BTBD3: variants seen among roughly 807,000 people sequenced by gnomAD.
The protein encoded by BTBD3 is BTB/POZ domain-containing protein 3.
Under a neutral mutation model 41.6 loss-of-function variants are expected in BTBD3, and 14 were observed. That is an observed-to-expected ratio of 0.34 (90% CI 0.22 to 0.53). The LOEUF (loss-of-function observed/expected upper bound fraction) is 0.53. Among genes scored for constraint, BTBD3 ranks in the 20% least tolerant of loss-of-function variants. BTBD3 has a pLI of 0.95. For synonymous variants in BTBD3, 249 were observed against 233.7 expected, an observed-to-expected ratio of 1.07 and a Z score of -0.60; for missense variants, 426 against 654.7, an observed-to-expected ratio of 0.65 and a Z score of 3.81.
chr20:11,893,037 A>G (rs2056765785), intron 1 of BTBD3, among the ~76,000 whole-genome samples: 1 of 150,074 alleles, frequency 6.7e-6, no homozygotes, highest in Non-Finnish European at 1.5e-5. Context: ...ACATGCATCC[A>G]AAGATCAATT....
intron 1 of BTBD3, among the ~76,000 whole-genome samples, chr20:11,895,891 C>T (rs561816405): frequency 9.8e-5 from 15 of 152,326 alleles, no homozygotes; most frequent in African/African-American, 3.4e-4. Context: ...TTGGCTGAGA[C>T]AGTTGCCACT....
intron 1 of BTBD3, among the ~76,000 whole-genome samples, chr20:11,906,657 C>G (rs1310540151): frequency 6.6e-6 from 1 of 152,150 alleles, no homozygotes; most frequent in Admixed American, 6.5e-5. Flanking sequence ...TTGCCTGATT[C>G]TTCTTAGTGA....
intron 1 of BTBD3, among the ~76,000 whole-genome samples, chr20:11,901,027 T>C (rs1003194270): frequency 2.0e-5 from 3 of 152,180 alleles, no homozygotes; most frequent in African/African-American, 7.2e-5. Flanking sequence ...CATCTACAAA[T>C]TTAATGTGTT....
At chr20:11,900,391 G>A (rs965379260) in intron 1 of BTBD3, among the ~76,000 whole-genome samples, 1 of 152,104 alleles carries the variant, frequency 6.6e-6, no homozygotes, top group Non-Finnish European at 1.5e-5. Context: ...AGCCCAGTTG[G>A]AAAACACATC....
At chr20:11,893,955 T>A (rs957964539) in intron 1 of BTBD3, among the ~76,000 whole-genome samples, 1 of 152,266 alleles carries the variant, frequency 6.6e-6, no homozygotes, top group African/African-American at 2.4e-5. Flanking sequence ...ATAAGATTTT[T>A]AATGATGAAT....
intron 1 of BTBD3, chr20:11,891,193 A>G (rs1328006154): frequency 3.4e-5 from 5 of 146,206 alleles, no homozygotes; most frequent in Non-Finnish European, 7.1e-5. Flanking sequence ...GGGGGGTCCC[A>G]GTGGGGCGCG....
At position 11,924,482 on chromosome 20, in the gene BTBD3, AAAT is replaced by A. The variant is rs2057001844; in HGVS notation, c.*820_*822del. Reference sequence around the variant, plus strand: ...GAAGCCTGAAAAAGACTCATACTACAAATAATTTAATTGATGGCATATAAGAAT... The same window carrying A: ...GAAGCCTGAAAAAGACTCATACTACAAATTTAATTGATGGCATATAAGAAT... On this transcript the variant is annotated 3_prime_UTR_variant, in exon 4 of 4. Transcript: ENST00000378226. 1 of 152,630 alleles carries A rather than the reference AAAT, an allele frequency of 6.6e-6. No homozygotes were observed. The highest frequency in any genetic ancestry group is 1.5e-5 in the Non-Finnish European group (1 of 68,034). The allele number at this position is 152,630 out of a possible 1,614,324, so 9.5% of individuals were successfully genotyped here. A position where few individuals can be genotyped will look rare whatever the true frequency, so the allele number is the denominator to read the frequency against.
At chr20:11,901,152 A>C (rs2056821655) in intron 1 of BTBD3, among the ~76,000 whole-genome samples, 1 of 152,216 alleles carries the variant, frequency 6.6e-6, no homozygotes, top group Non-Finnish European at 1.5e-5. Flanking sequence ...AATGGTGAGA[A>C]GCTACAAAAG....
intron 1 of BTBD3, among the ~76,000 whole-genome samples, chr20:11,905,338 G>GT (rs1014088387): frequency 1.3e-5 from 2 of 152,100 alleles, no homozygotes; most frequent in African/African-American, 4.8e-5. Context: ...TTGTACACGT[G>GT]TTTTTTCTCA....
Position 11,923,912 on chromosome 20 carries a change from T to C in BTBD3, c.*246T>C. 1 of 432,486 alleles carries C rather than the reference T, an allele frequency of 2.3e-6. No homozygotes were observed. Among genetic ancestry groups the C allele is most frequent in the Non-Finnish European group, 4.1e-6 (1 of 245,184 alleles). 26.8% of individuals were successfully genotyped at this position (432,486 alleles called of 1,614,324 possible). A position where few individuals can be genotyped will look rare whatever the true frequency, so the allele number is the denominator to read the frequency against. ...GCTTTGTGGTTTTTAGAGTTGCATC[T>C]ATGAACCTGGGGAGATTATGTGCTT... On this transcript the variant is annotated 3_prime_UTR_variant, in exon 4 of 4. Coordinates refer to ENST00000378226, the MANE Select transcript of BTBD3 (RefSeq NM_014962.4). The surrounding 1 kb of genome is among the most constrained non-coding windows in gnomAD (Gnocchi z 5.3).
Position 11,918,359 on chromosome 20 carries a change from A to G in BTBD3, c.84A>G (p.Lys28=). 6.2e-7 allele frequency: 1 copy of G among 1,614,112 alleles called. No homozygotes were observed. The highest frequency in any genetic ancestry group is 8.5e-7 in the Non-Finnish European group (1 of 1,180,008). Residue 28 remains lysine (K), a synonymous_variant, in exon 1 of 4, where the codon AAA becomes AAG. Transcript: ENST00000378226. Reference sequence around the variant, plus strand: ...AGACGGTAAAGAACAGGTCCAAGAAAAGCTCAAAGAAAGCAAATACCAGCA... The same window carrying G: ...AGACGGTAAAGAACAGGTCCAAGAAGAGCTCAAAGAAAGCAAATACCAGCA... ...LPETVKNRSK[K]SSKKANTSSS... is the part of the protein sequence containing the mutation.
intron 1 of BTBD3, among the ~76,000 whole-genome samples, chr20:11,892,852 G>A (rs1264666509): frequency 1.3e-5 from 2 of 151,970 alleles, no homozygotes; most frequent in Non-Finnish European, 2.9e-5. Context: ...ACATCTGTGC[G>A]GAAAAACTTT....
upstream of BTBD3, among the ~76,000 whole-genome samples, chr20:11,914,935 A>G (rs1485875564): frequency 1.3e-5 from 2 of 152,154 alleles, no homozygotes; most frequent in African/African-American, 2.4e-5. Flanking sequence ...AGTTTGAAAA[A>G]CATTCATTCT....
At chr20:11,907,275 C>T (rs1416645240) in intron 1 of BTBD3, among the ~76,000 whole-genome samples, 3 of 152,204 alleles carry the variant, frequency 2.0e-5, no homozygotes, top group Admixed American at 6.5e-5. Flanking sequence ...TATTATAATA[C>T]TGCATTTGTG....
intron 1 of BTBD3, chr20:11,891,009 G>C (rs2056747958): frequency 2.0e-6 from 2 of 976,856 alleles, no homozygotes. Context: ...TGCGCAGCGC[G>C]GGACCGCCCG....
chr20:11,922,679 G>C lies in BTBD3; in HGVS notation c.582G>C (p.Leu194=), dbSNP rs1163133131. 6.2e-7 allele frequency: 1 copy of C among 1,613,994 alleles called. No homozygotes were observed. Among genetic ancestry groups the C allele is most frequent in the African/African-American group, 1.3e-5 (1 of 74,918 alleles). Residue 194 remains leucine (L), a synonymous_variant, in exon 4 of 4, where the codon CTG becomes CTC. Coordinates refer to ENST00000378226, the MANE Select transcript of BTBD3 (RefSeq NM_014962.4). ...TTGACTTGGCTGCTGACACAGTGCT[G>C]GCCACACTTTATGCTGCCAAAAAGT... ...DEIDLAADTV[L]ATLYAAKKYI...
intron 1 of BTBD3, among the ~76,000 whole-genome samples, chr20:11,904,051 A>G (rs1462363972): frequency 6.6e-6 from 1 of 152,208 alleles, no homozygotes; most frequent in Non-Finnish European, 1.5e-5. Context: ...GGTATGTGTA[A>G]AAAGTTGGCC....
intron 1 of BTBD3, among the ~76,000 whole-genome samples, chr20:11,898,032 C>T (rs921219023): frequency 5.3e-5 from 8 of 152,064 alleles, no homozygotes; most frequent in African/African-American, 1.7e-4. Flanking sequence ...ATGGCATGCA[C>T]CTGTAATTCC....
At chr20:11,904,860 G>A (rs1390117098) in intron 1 of BTBD3, among the ~76,000 whole-genome samples, 2 of 152,246 alleles carry the variant, frequency 1.3e-5, no homozygotes, top group Middle Eastern at 3.4e-3. Context: ...CCATATCGAT[G>A]AACGTTTTGT....
Sources: gnomAD v4.1 joint callset for allele counts (sites outside exome capture counted in the v4.1 genomes callset) on GRCh38, gnomAD v4.1.1 for gene constraint, Gnocchi (gnomAD v3.1) non-coding constraint, MANE v1.5 for transcripts, NCBI Gene and HGNC (gene_info 2026-07-23, HGNC 2026-07-21) for gene names.